Variants in MRPL1 observed in about 807,000 individuals in gnomAD.
MRPL1 encodes large ribosomal subunit protein uL1m.
MRPL1 carries 28 observed loss-of-function variants against 38.0 expected under a neutral mutation model. The observed-to-expected ratio is 0.74, with a 90% CI of 0.55 to 1.01. The LOEUF (loss-of-function observed/expected upper bound fraction) is 1.01. Among genes scored for constraint, MRPL1 ranks in the 50% least tolerant of loss-of-function variants. The pLI is 0.00. For synonymous variants in MRPL1, 123 were observed against 126.7 expected (o/e 0.97, Z 0.20); for missense variants, 358 against 389.8 (o/e 0.92, Z 0.69).
chr4:77,924,079 CCTT>C (rs1273757837), intron 7 of MRPL1, among the ~76,000 whole-genome samples: 10 of 151,594 alleles, frequency 6.6e-5, no homozygotes, highest in Admixed American at 5.9e-4. Context: ...TTCTTTCTGT[CCTT>C]CATGTTGATT....
chr4:77,862,861 G>A lies in MRPL1; in HGVS notation c.13G>A (p.Val5Ile), dbSNP rs982925697. 2.6e-5 allele frequency: 42 copies of A among 1,613,988 alleles called. No individual in the cohort carries two copies. Among genetic ancestry groups the A allele is most frequent in the Non-Finnish European group, 3.5e-5 (41 of 1,180,020 alleles). ...CGGAGTGCCCAACATGGCGGCGGCC[G>A]TAAGGTGCATGGGTAGAGGTAAGGC... MAAA[V>I]RCMGRALIHH... The change falls in exon 1 of 9, where the codon GTA becomes ATA. Residue 5 changes from valine to isoleucine, a missense_variant. Transcript: ENST00000315567.
In MRPL1 at chr4:77,952,413, T is replaced by A; in HGVS notation, c.860-76T>A. 3.0e-6 allele frequency: 3 copies of A among 989,568 alleles called. 1 individual carries two copies. The South Asian group carries it at 4.1e-5, about 14-fold the overall frequency. The allele number at this position is 989,568 out of a possible 1,614,324, so 61.3% of individuals were successfully genotyped here. ...CCAAGAACCTAGTGACAATATTAAG[T>A]GAGGACCTACTTTATTTGCTCATGA... On this transcript the variant is annotated intron_variant, in intron 8 of 8. Coordinates refer to ENST00000315567, the MANE Select transcript of MRPL1 (RefSeq NM_020236.4).
chr4:77,874,286 C>A (rs900075577), intron 2 of MRPL1, among the ~76,000 whole-genome samples: 1 of 152,020 alleles, frequency 6.6e-6, no homozygotes, highest in Non-Finnish European at 1.5e-5. Flanking sequence ...GCACCCGGAC[C>A]GCCTGCATTT....
rs1182147237 is a variant in MRPL1 at position 77,883,444 on chromosome 4, A to G, written c.346A>G (p.Ser116Gly). 1.2e-6 allele frequency: 2 copies of G among 1,613,722 alleles called. No individual in the cohort carries two copies. Among genetic ancestry groups the G allele is most frequent in the Admixed American group, 3.3e-5 (2 of 60,004 alleles). The change falls in exon 3 of 9, where the codon AGT (serine) becomes GGT (glycine). Residue 116 changes from serine to glycine, a missense_variant. Physicochemically the swap from Ser to Gly is moderately conservative, Grantham distance 56. Transcript: ENST00000315567. ...LKKFQILDFT[S>G]PKQSVYLDLT... The stretch of plus-strand genomic sequence containing the variant: ...GAAATTTCAAATTCTTGACTTTACT[A>G]GTCCAAAGCAAAGTGTTTATCTTGA...
Position 77,871,804 on chromosome 4 carries a change from C to T in MRPL1, c.92C>T (p.Ser31Phe), listed in dbSNP as rs1450002556. The change falls in exon 2 of 9, where the codon TCT becomes TTT. Residue 31 changes from serine to phenylalanine, a missense_variant. Ser to Phe is a radical substitution (Grantham distance 155). Transcript: ENST00000315567. Reference sequence around the variant, plus strand: ...ATGGTTTATCAGACATCACTTTGTTCTTGTTCTGTAAACATCCGAGTGCCC... The same window carrying T: ...ATGGTTTATCAGACATCACTTTGTTTTTGTTCTGTAAACATCCGAGTGCCC... ...SKMVYQTSLCSCSVNIRVPNR... is the reference protein window; with the variant it reads ...SKMVYQTSLCFCSVNIRVPNR... The T allele has an allele frequency of 2.5e-6, 4 of 1,603,628 alleles. No homozygotes were observed. The African/African-American group carries it at 5.4e-5, about 22-fold the overall frequency.
chr4:77,943,322 T>C (rs935842256), intron 7 of MRPL1, among the ~76,000 whole-genome samples: 1 of 152,166 alleles, frequency 6.6e-6, no homozygotes, highest in African/African-American at 2.4e-5. Context: ...CTTTCCTTCA[T>C]CTTGGCTTTG....
intron 2 of MRPL1, among the ~76,000 whole-genome samples, chr4:77,880,693 A>G (rs1057067289): frequency 6.6e-6 from 1 of 151,978 alleles, no homozygotes; most frequent in African/African-American, 2.4e-5. Context: ...AAATTACATC[A>G]CCTCTAGTTC....
chr4:77,931,604 C>T (rs1287706250), intron 7 of MRPL1, among the ~76,000 whole-genome samples: 1 of 152,212 alleles, frequency 6.6e-6, no homozygotes, highest in Non-Finnish European at 1.5e-5. Flanking sequence ...ATTATGTGTA[C>T]TTTTGTTGCC....
At chr4:77,884,109 A>G (rs1054120907) in intron 3 of MRPL1, among the ~76,000 whole-genome samples, 5 of 152,142 alleles carry the variant, frequency 3.3e-5, no homozygotes, top group African/African-American at 1.2e-4. Flanking sequence ...AACTTTGAAA[A>G]GTGATTTAAA....
intron 7 of MRPL1, among the ~76,000 whole-genome samples, chr4:77,913,437 C>A (rs1051797556): frequency 2.6e-5 from 4 of 152,004 alleles, no homozygotes; most frequent in Non-Finnish European, 4.4e-5. Context: ...AAATGAAAAC[C>A]ACAATGGGAT....
chr4:77,882,864 T>A (rs757339833), intron 2 of MRPL1, among the ~76,000 whole-genome samples: 1 of 152,244 alleles, frequency 6.6e-6, no homozygotes, highest in Non-Finnish European at 1.5e-5. Context: ...CATTAAGAAT[T>A]GACTTTGAGG....
intron 5 of MRPL1, among the ~76,000 whole-genome samples, chr4:77,890,837 T>C (rs1735789379): frequency 2.0e-5 from 3 of 152,198 alleles, no homozygotes; most frequent in South Asian, 2.1e-4. Flanking sequence ...CTATATGTTA[T>C]GGAATTTTTG....
At chr4:77,903,299 A>G (rs1353316344) in intron 6 of MRPL1, among the ~76,000 whole-genome samples, 2 of 152,206 alleles carry the variant, frequency 1.3e-5, no homozygotes, top group African/African-American at 4.8e-5. Context: ...TTTGGCAATA[A>G]TAACTCTCAG....
In MRPL1 at chr4:77,937,936, T is replaced by C. The variant is rs1336233204; in HGVS notation, c.778-11861T>C. Among the ~76,000 whole-genome samples, 3 of 151,980 alleles carry C rather than the reference T, an allele frequency of 2.0e-5. No individual in the cohort carries two copies. The East Asian group carries it at 5.8e-4, about 29-fold the overall frequency. On this transcript the variant is annotated intron_variant, in intron 7 of 8. Transcript: ENST00000315567. Reference sequence around the variant, plus strand: ...GAAACCCTAAGTCTCAACTGCATAATAGATACATAGTAGGAAACCAGAAGT... The same window carrying C: ...GAAACCCTAAGTCTCAACTGCATAACAGATACATAGTAGGAAACCAGAAGT...
intron 3 of MRPL1, 81 bp downstream of exon 3, chr4:77,883,581 A>T: frequency 1.5e-6 from 2 of 1,353,864 alleles, no homozygotes; most frequent in East Asian, 2.4e-5. Context: ...TTTTATTGTT[A>T]TTATTATTTT....
intron 5 of MRPL1, among the ~76,000 whole-genome samples, chr4:77,893,182 C>A (rs1008428350): frequency 6.6e-6 from 1 of 152,196 alleles, no homozygotes. Flanking sequence ...GTGGCACGAT[C>A]TTGGCTTACT....
chr4:77,883,092 T>C, intron 2 of MRPL1, 150 bp from the exon 3 acceptor site: 1 of 551,370 alleles, frequency 1.8e-6, no homozygotes, highest in Non-Finnish European at 3.0e-6. Flanking sequence ...TCATGTTTGT[T>C]GAATTAGAAA....
At chr4:77,945,997 A>G (rs893723599) in intron 7 of MRPL1, among the ~76,000 whole-genome samples, 13 of 152,166 alleles carry the variant, frequency 8.5e-5, no homozygotes, top group African/African-American at 3.1e-4. Context: ...TTTCGAGAGC[A>G]GAGAACTAGT....
intron 8 of MRPL1, among the ~76,000 whole-genome samples, chr4:77,951,759 G>A (rs1159465853): frequency 6.6e-6 from 1 of 152,176 alleles, no homozygotes; most frequent in Admixed American, 6.5e-5. Flanking sequence ...TCCCAAAGGT[G>A]GCATGTTAGG....
Sources: gnomAD v4.1 joint callset for allele counts (sites outside exome capture counted in the v4.1 genomes callset) on GRCh38, gnomAD v4.1.1 for gene constraint, MANE v1.5 for transcripts, NCBI Gene and HGNC (gene_info 2026-07-23, HGNC 2026-07-21) for gene names.